The following CFAP44 variants were observed in gnomAD, a reference collection of about 807,000 sequenced individuals.
CFAP44 encodes the protein cilia and flagella associated protein 44.
Under a neutral mutation model 216.2 loss-of-function variants are expected in CFAP44, and 134 were observed. The ratio of observed to expected loss-of-function variants is 0.62; its 90% confidence interval spans 0.54 to 0.72. The LOEUF (loss-of-function observed/expected upper bound fraction) is 0.72. Among genes scored for constraint, CFAP44 ranks in the 30% least tolerant of loss-of-function variants. The pLI is 0.00. For missense variants in CFAP44, 2,035 were observed against 2,182.1 expected (o/e 0.93, Z 1.34); for synonymous variants, 700 against 727.6 (o/e 0.96, Z 0.61).
intron 15 of CFAP44, among the ~76,000 whole-genome samples, chr3:113,392,950 T>C (rs1447087830): frequency 2.0e-5 from 3 of 152,154 alleles, no homozygotes; most frequent in Non-Finnish European, 4.4e-5. Context: ...AGCTGCCCAA[T>C]AGATCCACCT....
At chr3:113,326,859 C>T (rs760318654) in intron 27 of CFAP44, among the ~76,000 whole-genome samples, 14 of 152,056 alleles carry the variant, frequency 9.2e-5, no homozygotes, top group Non-Finnish European at 1.5e-4. Context: ...AGAAAATCAG[C>T]TTTTTAGTGC....
intron 28 of CFAP44, among the ~76,000 whole-genome samples, chr3:113,310,912 G>A (rs980741790): frequency 1.3e-5 from 2 of 152,136 alleles, no homozygotes; most frequent in Non-Finnish European, 2.9e-5. Context: ...GCTCCCTAAG[G>A]CCTCCCCAGA....
chr3:113,396,386 C>A, intron 14 of CFAP44, 132 bp downstream of exon 14: 1 of 1,049,040 alleles, frequency 9.5e-7, no homozygotes, highest in Non-Finnish European at 1.3e-6. Flanking sequence ...AATATGACTA[C>A]AAAGAAAGCA....
intron 34 of CFAP44, among the ~76,000 whole-genome samples, chr3:113,293,703 C>T (rs1474899446): frequency 6.6e-6 from 1 of 152,154 alleles, no homozygotes; most frequent in African/African-American, 2.4e-5. Flanking sequence ...TGGAAAAAGA[C>T]CCCTCAATAT....
intron 28 of CFAP44, among the ~76,000 whole-genome samples, chr3:113,314,060 A>G (rs772343131): frequency 3.9e-5 from 6 of 152,256 alleles, no homozygotes; most frequent in Non-Finnish European, 7.3e-5. Flanking sequence ...CCAGAGCCTC[A>G]GGGACCTTTT....
At chr3:113,386,773 A>C (rs146447153) in intron 15 of CFAP44, among the ~76,000 whole-genome samples, 1 of 152,340 alleles carries the variant, frequency 6.6e-6, no homozygotes, top group African/African-American at 2.4e-5. Flanking sequence ...CTTGGTTTTA[A>C]CTTTACATCA....
Position 113,380,879 on chromosome 3 carries a change from G to A in CFAP44, c.2052+20C>T. 6.6e-7 allele frequency: 1 copy of A among 1,523,274 alleles called. No homozygotes were observed. Among genetic ancestry groups the A allele is most frequent in the Non-Finnish European group, 8.8e-7 (1 of 1,134,634 alleles). 94.4% of individuals were successfully genotyped at this position (1,523,274 alleles called of 1,614,324 possible). A position where few individuals can be genotyped will look rare whatever the true frequency, so the allele number is the denominator to read the frequency against. ...GGAAAGGAAATTATTATAAGATAAT[G>A]CTTCAGGAATATTCCATACCAGAAT... is the stretch of plus-strand genomic sequence containing the variant. On this transcript the variant is annotated intron_variant, in intron 16 of 34. Coordinates refer to ENST00000393845, the MANE Select transcript of CFAP44 (RefSeq NM_001164496.2).
chr3:113,396,487 A>G lies in CFAP44; in HGVS notation c.1779+31T>C. 2.5e-6 allele frequency: 4 copies of G among 1,596,746 alleles called. No individual in the cohort carries two copies. The South Asian group carries it at 3.4e-5, about 14-fold the overall frequency. On this transcript the variant is annotated intron_variant, in intron 14 of 34. Transcript: ENST00000393845. Reference sequence around the variant, plus strand: ...TAAGGCAATTTAACTATAAAATTTCAACAAGAAAAGAAAGGAAATGTACTG... The same window carrying G: ...TAAGGCAATTTAACTATAAAATTTCGACAAGAAAAGAAAGGAAATGTACTG...
intron 11 of CFAP44, 109 bp downstream of exon 11, chr3:113,401,131 T>C (rs553088721): frequency 1.4e-5 from 15 of 1,051,530 alleles, no homozygotes; most frequent in South Asian, 4.8e-5. Context: ...GCAAGTTTTT[T>C]ATGAGGACCA....
chr3:113,399,768 T>C lies in CFAP44; in HGVS notation c.1569+138A>G, dbSNP rs182772365. On this transcript the variant is annotated intron_variant, in intron 13 of 34. Transcript: ENST00000393845. Reference sequence around the variant, plus strand: ...CATGGTAAAGATTTCTATTACATTCTGACTAAAATAAACTAACTTAAAACT... The same window carrying C: ...CATGGTAAAGATTTCTATTACATTCCGACTAAAATAAACTAACTTAAAACT... 281 of 564,086 alleles carry C rather than the reference T, an allele frequency of 5.0e-4. 2 individuals are homozygous for C. In the African/African-American group the frequency reaches 5.1e-3, roughly 10 times the overall value. The allele number at this position is 564,086 out of a possible 1,614,324, so 34.9% of individuals were successfully genotyped here.
intron 28 of CFAP44, among the ~76,000 whole-genome samples, chr3:113,315,577 C>T (rs1450111749): frequency 6.6e-6 from 1 of 152,152 alleles, no homozygotes; most frequent in Non-Finnish European, 1.5e-5. Flanking sequence ...CAACAACCAA[C>T]AGGATTTAAA....
chr3:113,314,458 A>C (rs1197268287), intron 28 of CFAP44, among the ~76,000 whole-genome samples: 1 of 152,212 alleles, frequency 6.6e-6, no homozygotes, highest in Non-Finnish European at 1.5e-5. Flanking sequence ...GGGAAAAATT[A>C]AGACATTATC....
chr3:113,375,880 G>A lies in CFAP44; in HGVS notation c.2299-2324C>T, dbSNP rs114436661. ...ACCTCTAAAAGAATAGTAAAAGAATGTATAACTAATAATCTAGTAGAGGAA... is the reference window on the plus strand; with the variant it reads ...ACCTCTAAAAGAATAGTAAAAGAATATATAACTAATAATCTAGTAGAGGAA... On this transcript the variant is annotated intron_variant, in intron 17 of 34. Transcript: ENST00000393845. Among the ~76,000 whole-genome samples the A allele has an allele frequency of 7.9e-3, 1,203 of 151,680 alleles. 18 individuals are homozygous for A. Among genetic ancestry groups the A allele is most frequent in the African/African-American group, 0.028 (1,137 of 41,342 alleles).
intron 18 of CFAP44, among the ~76,000 whole-genome samples, chr3:113,371,813 T>C (rs1052217612): frequency 2.0e-5 from 3 of 152,092 alleles, no homozygotes; most frequent in Non-Finnish European, 4.4e-5. Context: ...GGAGAAAATT[T>C]TTGCAATCTA....
rs1268602197 is a variant in CFAP44, at chr3:113,291,547, A to T, written c.*10T>A. 6.5e-7 allele frequency: 1 copy of T among 1,533,534 alleles called. No individual in the cohort carries two copies. Among genetic ancestry groups the T allele is most frequent in the African/African-American group, 1.4e-5 (1 of 72,954 alleles). The allele number at this position is 1,533,534 out of a possible 1,614,324, so 95.0% of individuals were successfully genotyped here. On this transcript the variant is annotated 3_prime_UTR_variant, in exon 35 of 35. Coordinates refer to ENST00000393845, the MANE Select transcript of CFAP44 (RefSeq NM_001164496.2). ...CAGAAATCTTGTATGGGTTTGAGAA[A>T]ATAGCAAACTCAAAGGTCTGCGGGC...
intron 19 of CFAP44, among the ~76,000 whole-genome samples, chr3:113,364,292 C>T (rs1393803155): frequency 4.6e-5 from 7 of 152,132 alleles, no homozygotes; most frequent in Non-Finnish European, 8.8e-5. Flanking sequence ...TCCCTATTCT[C>T]TTTCACAGAA....
chr3:113,395,866 G>GA lies in CFAP44; in HGVS notation c.1780-7dup. 1 of 1,602,844 alleles carries GA rather than the reference G, an allele frequency of 6.2e-7. No homozygotes were observed. Among genetic ancestry groups the GA allele is most frequent in the South Asian group, 1.1e-5 (1 of 89,692 alleles). On this transcript the variant is annotated splice_polypyrimidine_tract_variant and splice_region_variant and intron_variant, in intron 14 of 34. Transcript: ENST00000393845. ...AAAACAGTTTGATCTTTACTCTAAG[G>GA]AAAAAGAGACACACCGACGAAATAT...
chr3:113,402,565 G>C (rs1934172139), intron 9 of CFAP44, among the ~76,000 whole-genome samples: 1 of 152,158 alleles, frequency 6.6e-6, no homozygotes, highest in South Asian at 2.1e-4. Context: ...AGGAACTCTG[G>C]GAAGACTGTC....
intron 18 of CFAP44, among the ~76,000 whole-genome samples, chr3:113,372,074 A>T (rs534697815): frequency 1.3e-5 from 2 of 152,190 alleles, no homozygotes; most frequent in Non-Finnish European, 2.9e-5. Context: ...AAAAGTCAGG[A>T]AACAACAGAT....
Sources: gnomAD v4.1 joint callset for allele counts (sites outside exome capture counted in the v4.1 genomes callset) on GRCh38, gnomAD v4.1.1 for gene constraint, MANE v1.5 for transcripts, NCBI Gene and HGNC (gene_info 2026-07-23, HGNC 2026-07-21) for gene names.